Variants in IGF2BP2 observed in about 807,000 individuals in gnomAD.
IGF2BP2 encodes the protein insulin like growth factor 2 mRNA binding protein 2, also known as insulin-like growth factor 2 mRNA-binding protein 2.
In IGF2BP2, 17 loss-of-function variants were observed where a neutral mutation model predicts 75.8. That is an observed-to-expected ratio of 0.22 (90% CI 0.15 to 0.34). The LOEUF is 0.34. Among genes scored for constraint, IGF2BP2 ranks in the 10% least tolerant of loss-of-function variants. IGF2BP2 has a pLI of 1.00. For missense variants in IGF2BP2, 516 were observed against 772.4 expected, an observed-to-expected ratio of 0.67 and a Z score of 3.93; for synonymous variants, 288 against 295.6, an observed-to-expected ratio of 0.97 and a Z score of 0.26.
Position 185,699,900 on chromosome 3 carries a change from CA to C in IGF2BP2, c.240-1554del, listed in dbSNP as rs546745634. 3.8e-3 allele frequency among the ~76,000 whole-genome samples: 581 copies of C among 152,158 alleles called. 2 individuals carry two copies. The highest frequency in any genetic ancestry group is 0.013 in the African/African-American group (545 of 41,522). On this transcript the variant is annotated intron_variant, in intron 2 of 15. Transcript: ENST00000382199. ...AGATTGTTTCTTGTTTTTACTTAAGCAATTAAAATTAGACAGAAAAAAGAAC... is the reference window on the plus strand; with the variant it reads ...AGATTGTTTCTTGTTTTTACTTAAGCATTAAAATTAGACAGAAAAAAGAAC...
intron 14 of IGF2BP2, among the ~76,000 whole-genome samples, chr3:185,648,385 C>T (rs1489644507): frequency 6.6e-6 from 1 of 151,368 alleles, no homozygotes; most frequent in Non-Finnish European, 1.5e-5. Context: ...ATCACCTGAA[C>T]CAGGGAGGTG....
chr3:185,677,066 TATAGAGAGAGAGAG>T (rs1384177473), intron 7 of IGF2BP2, among the ~76,000 whole-genome samples: 17 of 38,414 alleles, frequency 4.4e-4, no homozygotes, highest in Non-Finnish European at 4.9e-4. Context: ...TATATATATA[TATAGAGAGAGAGAG>T]AGAGAGAGAG....
At chr3:185,697,819 T>TA (rs539847254) in intron 3 of IGF2BP2, among the ~76,000 whole-genome samples, 14 of 151,958 alleles carry the variant, frequency 9.2e-5, no homozygotes, top group African/African-American at 2.9e-4. Context: ...ACCTCATCTC[T>TA]AAAAAAATAC....
chr3:185,663,524 C>G (rs1343265793), intron 10 of IGF2BP2, among the ~76,000 whole-genome samples: 1 of 152,094 alleles, frequency 6.6e-6, no homozygotes, highest in Non-Finnish European at 1.5e-5. Flanking sequence ...TTATAAACAG[C>G]AGGGCCTCCT....
chr3:185,798,799 T>C (rs1481150992), intron 2 of IGF2BP2, among the ~76,000 whole-genome samples: 2 of 150,944 alleles, frequency 1.3e-5, no homozygotes, highest in African/African-American at 4.9e-5. Context: ...TTTTTTCTTT[T>C]TTTTTTTTGA....
At chr3:185,675,099 T>C in intron 9 of IGF2BP2, 197 bp downstream of exon 9, 1 of 426,874 alleles carries the variant, frequency 2.3e-6, no homozygotes, top group South Asian at 6.2e-5. Flanking sequence ...AAAGTTATAA[T>C]TTTAATGTCT....
At chr3:185,779,042 T>C (rs1295533136) in intron 2 of IGF2BP2, among the ~76,000 whole-genome samples, 1 of 152,080 alleles carries the variant, frequency 6.6e-6, no homozygotes, top group Non-Finnish European at 1.5e-5. Context: ...TGAGGGTGAT[T>C]TGACTGAGCT....
intron 4 of IGF2BP2, among the ~76,000 whole-genome samples, chr3:185,694,126 C>T (rs1022959921): frequency 2.0e-5 from 3 of 152,152 alleles, no homozygotes; most frequent in East Asian, 3.9e-4. Flanking sequence ...GTAATAAACC[C>T]GAGCCCAGCT....
Position 185,734,994 on chromosome 3 carries a change from A to G in IGF2BP2, c.240-36647T>C, listed in dbSNP as rs572543833. ...ACAGCGTTGTAACATGAAAGCACAC[A>G]TAAGTGCTCAAGCTACAAAAGGCAG... is the stretch of plus-strand genomic sequence containing the variant. On this transcript the variant is annotated intron_variant, in intron 2 of 15. Transcript: ENST00000382199. Among the ~76,000 whole-genome samples the G allele has an allele frequency of 2.1e-4, 32 of 152,324 alleles. No homozygotes were observed. The East Asian group carries it at 4.1e-3, about 19-fold the overall frequency.
At chr3:185,774,814 G>A (rs1450437398) in intron 2 of IGF2BP2, among the ~76,000 whole-genome samples, 1 of 151,948 alleles carries the variant, frequency 6.6e-6, no homozygotes, top group Non-Finnish European at 1.5e-5. Context: ...AAGGTCAGGA[G>A]TATCAGACCA....
At chr3:185,733,562 G>C (rs979462876) in intron 2 of IGF2BP2, among the ~76,000 whole-genome samples, 7 of 152,188 alleles carry the variant, frequency 4.6e-5, no homozygotes, top group Non-Finnish European at 1.0e-4. Flanking sequence ...TTCGAGACCA[G>C]CCTGACCAAC....
chr3:185,728,395 A>AGGATAT (rs1355918080), intron 2 of IGF2BP2: 3 of 152,222 alleles, frequency 2.0e-5, no homozygotes, highest in Admixed American at 6.5e-5. Context: ...TTACCCTTCT[A>AGGATAT]GGATATGGGC....
At position 185,644,284 on chromosome 3, in the gene IGF2BP2, A is replaced by G. The variant is rs936689072; in HGVS notation, c.*1247T>C. On this transcript the variant is annotated 3_prime_UTR_variant, in exon 16 of 16. Transcript: ENST00000382199. ...TCTGTGAATTTAACGCCCTGGGCCA[A>G]CAACCTTGGTAAATTTCTACTTTCC... is the stretch of plus-strand genomic sequence containing the variant. The G allele has an allele frequency of 2.0e-5, 3 of 152,530 alleles. No individual in the cohort carries two copies. The highest frequency in any genetic ancestry group is 4.4e-5 in the Non-Finnish European group (3 of 68,024). The allele number at this position is 152,530 out of a possible 1,614,324, so 9.4% of individuals were successfully genotyped here.
intron 2 of IGF2BP2, among the ~76,000 whole-genome samples, chr3:185,753,705 C>G (rs138598636): frequency 4.1e-4 from 62 of 152,284 alleles, no homozygotes; most frequent in Non-Finnish European, 8.2e-4. Context: ...CATCCTTCTC[C>G]CAAGATCTGC....
intron 10 of IGF2BP2, among the ~76,000 whole-genome samples, chr3:185,672,018 G>A (rs537976946): frequency 2.6e-4 from 40 of 152,256 alleles, no homozygotes; most frequent in Non-Finnish European, 5.1e-4. Context: ...TACTTATTGA[G>A]AACTTACTAA....
chr3:185,675,916 A>G lies in IGF2BP2; in HGVS notation c.813-3T>C, dbSNP rs529935659. The G allele has an allele frequency of 4.0e-5, 65 of 1,613,760 alleles. No individual in the cohort carries two copies. The South Asian group carries it at 6.8e-4, about 17-fold the overall frequency. On this transcript the variant is annotated splice_polypyrimidine_tract_variant and splice_region_variant and intron_variant, in intron 7 of 15. Transcript: ENST00000382199. Reference sequence around the variant, plus strand: ...TTTTCAGAGGAATCTCTTCGGCTCTAAAAGAGACAAGCAGCAAGTTAACAC... The same window carrying G: ...TTTTCAGAGGAATCTCTTCGGCTCTGAAAGAGACAAGCAGCAAGTTAACAC...
intron 13 of IGF2BP2, among the ~76,000 whole-genome samples, chr3:185,650,049 T>C (rs551111013): frequency 4.0e-5 from 6 of 151,802 alleles, no homozygotes; most frequent in African/African-American, 1.5e-4. Context: ...TGTGCCCAGG[T>C]TGGAGTGCAG....
chr3:185,657,139 C>T (rs1715570932), intron 12 of IGF2BP2, 147 bp downstream of exon 12: 4 of 576,180 alleles, frequency 6.9e-6, no homozygotes, highest in Middle Eastern at 9.6e-4. Context: ...TGAGAGCGGA[C>T]GGGAATAGTC....
intron 10 of IGF2BP2, among the ~76,000 whole-genome samples, chr3:185,660,523 C>A (rs752532274): frequency 4.6e-5 from 7 of 152,208 alleles, no homozygotes; most frequent in Admixed American, 6.5e-5. Flanking sequence ...ACCAGCCACG[C>A]CTGCCGGCGA....
Sources: gnomAD v4.1 joint callset for allele counts (sites outside exome capture counted in the v4.1 genomes callset) on GRCh38, gnomAD v4.1.1 for gene constraint, MANE v1.5 for transcripts, NCBI Gene and HGNC (gene_info 2026-07-23, HGNC 2026-07-21) for gene names.